GALNT13: variants seen among roughly 807,000 people sequenced by gnomAD.
GALNT13 encodes polypeptide N-acetylgalactosaminyltransferase 13.
A neutral mutation model predicts 64.2 loss-of-function variants in GALNT13; 28 were observed. That is an observed-to-expected ratio of 0.44 (90% CI 0.32 to 0.60). The LOEUF (loss-of-function observed/expected upper bound fraction) is 0.60. GALNT13 is among the 20% of genes least tolerant of loss of function. The pLI is 0.05. For synonymous variants in GALNT13, 214 were observed against 224.6 expected (o/e 0.95, Z 0.42); for missense variants, 577 against 669.8 (o/e 0.86, Z 1.53).
At chr2:153,658,766 C>G in the GALNT13 span, among the ~76,000 whole-genome samples, 1 of 131,726 alleles carries the variant, frequency 7.6e-6, no homozygotes, top group Non-Finnish European at 1.6e-5. Flanking sequence ...AGGTGCAAAA[C>G]TGCCAGACTT....
chr2:153,107,628 A>G, the GALNT13 span, among the ~76,000 whole-genome samples: 1 of 152,156 alleles, frequency 6.6e-6, no homozygotes, highest in African/African-American at 2.4e-5. Flanking sequence ...TAGGTAAAAA[A>G]TGGATGGCCT....
the GALNT13 span, among the ~76,000 whole-genome samples, chr2:153,406,903 G>T: frequency 6.6e-6 from 1 of 151,990 alleles, no homozygotes; most frequent in Admixed American, 6.6e-5. Context: ...ACATGTGGTT[G>T]AACATTATCA....
chr2:153,513,867 C>G, the GALNT13 span, among the ~76,000 whole-genome samples: 1 of 152,142 alleles, frequency 6.6e-6, no homozygotes, highest in Admixed American at 6.5e-5. Context: ...GTGTTTGAAG[C>G]GTAGAGAACT....
At chr2:153,236,059 C>T in the GALNT13 span, among the ~76,000 whole-genome samples, 126,044 of 152,066 alleles carry the variant, frequency 0.83, 53,438 homozygotes, top group African/African-American at 0.91. Flanking sequence ...GTGGTCTGGA[C>T]TGAAGATCAA....
intron 2 of GALNT13, among the ~76,000 whole-genome samples, chr2:153,929,974 A>T (rs1690403787): frequency 6.6e-6 from 1 of 152,178 alleles, no homozygotes; most frequent in African/African-American, 2.4e-5. Flanking sequence ...AGCAGTGTAT[A>T]AACATTCCCT....
chr2:153,883,450 C>T (rs12472342), intron 1 of GALNT13, among the ~76,000 whole-genome samples: 6,673 of 152,082 alleles, frequency 0.044, 444 homozygotes, highest in Admixed American at 0.2. Context: ...TATCCCGTGT[C>T]AGGGTAGAAT....
the GALNT13 span, among the ~76,000 whole-genome samples, chr2:153,388,688 G>A: frequency 6.8e-6 from 1 of 147,500 alleles, no homozygotes; most frequent in Non-Finnish European, 1.5e-5. Context: ...GGAAAGAATA[G>A]GAGGAACATC....
chr2:154,409,452 T>G (rs114528572), intron 11 of GALNT13: 2,483 of 228,646 alleles, frequency 0.011, 57 homozygotes, highest in South Asian at 0.042. Context: ...ATCCATCTCT[T>G]TTCAGATTTT....
chr2:153,399,241 C>T, the GALNT13 span, among the ~76,000 whole-genome samples: 30 of 150,942 alleles, frequency 2.0e-4, no homozygotes, highest in Admixed American at 4.6e-4. Context: ...TGTAGATATG[C>T]GGCGTTATTT....
At chr2:153,102,095 TG>T in the GALNT13 span, among the ~76,000 whole-genome samples, 1 of 152,186 alleles carries the variant, frequency 6.6e-6, no homozygotes, top group Non-Finnish European at 1.5e-5. Flanking sequence ...TTCCCTCTTT[TG>T]GGGTCTCCCT....
At chr2:153,597,756 C>T in the GALNT13 span, among the ~76,000 whole-genome samples, 1 of 151,928 alleles carries the variant, frequency 6.6e-6, no homozygotes, top group Non-Finnish European at 1.5e-5. Flanking sequence ...GATATATGTT[C>T]TTATAGCTCA....
At chr2:153,827,957 C>A in the GALNT13 span, among the ~76,000 whole-genome samples, 1 of 152,228 alleles carries the variant, frequency 6.6e-6, no homozygotes, top group East Asian at 1.9e-4. Context: ...CTACAGGCCC[C>A]ACGCAAGTCT....
the GALNT13 span, among the ~76,000 whole-genome samples, chr2:153,484,939 T>G: frequency 2.6e-5 from 4 of 152,172 alleles, no homozygotes; most frequent in Non-Finnish European, 5.9e-5. Context: ...TTGGTCAGTT[T>G]GAGGGGATTC....
intron 11 of GALNT13, chr2:154,435,747 T>C (rs1438802125): frequency 6.6e-6 from 1 of 152,164 alleles, no homozygotes; most frequent in Non-Finnish European, 1.5e-5. Context: ...CTGGGAATAA[T>C]AACTCTAAAT....
the GALNT13 span, among the ~76,000 whole-genome samples, chr2:153,491,484 T>G: frequency 2.0e-5 from 3 of 152,044 alleles, no homozygotes; most frequent in Non-Finnish European, 4.4e-5. Flanking sequence ...GAAAGGGAGA[T>G]AGTGAGCACA....
the GALNT13 span, among the ~76,000 whole-genome samples, chr2:153,073,448 A>G: frequency 6.6e-6 from 1 of 152,128 alleles, no homozygotes; most frequent in Admixed American, 6.6e-5. Context: ...TGAACAGTGT[A>G]GATTTTTTTT....
the GALNT13 span, among the ~76,000 whole-genome samples, chr2:153,191,174 G>C: frequency 6.6e-6 from 1 of 152,016 alleles, no homozygotes; most frequent in African/African-American, 2.4e-5. Flanking sequence ...AAGGCTTCTA[G>C]CTTTTTCCCA....
the GALNT13 span, among the ~76,000 whole-genome samples, chr2:153,328,758 C>T: frequency 1.3e-5 from 2 of 152,092 alleles, no homozygotes; most frequent in African/African-American, 4.8e-5. Flanking sequence ...GGGGTGGGCT[C>T]CGCTCAGCAA....
rs187729033 is a variant in GALNT13 at position 154,290,319 on chromosome 2, T to C, written c.976-11090T>C. Among the ~76,000 whole-genome samples, 27 of 152,342 alleles carry C rather than the reference T, an allele frequency of 1.8e-4. No homozygotes were observed. In the East Asian group the frequency reaches 3.7e-3, roughly 21 times the overall value. ...AAGAGGTCCTCCAGTCTCTCTTTAA[T>C]GAGAGATTGCAGAAATTTATCTCAA... On this transcript the variant is annotated intron_variant, in intron 8 of 12. Coordinates refer to ENST00000392825, the MANE Select transcript of GALNT13 (RefSeq NM_052917.4).
Sources: allele counts gnomAD v4.1 joint callset (sites outside exome capture counted in the v4.1 genomes callset), GRCh38; gene constraint gnomAD v4.1.1; transcripts MANE v1.5; gene names NCBI Gene and HGNC (gene_info 2026-07-23, HGNC 2026-07-21).